TRIM66: variants seen among roughly 807,000 people sequenced by gnomAD.
TRIM66 encodes tripartite motif-containing protein 66.
A neutral mutation model predicts 148.2 loss-of-function variants in TRIM66; 99 were observed. The observed-to-expected ratio is 0.67, with a 90% confidence interval of 0.57 to 0.79. The LOEUF (loss-of-function observed/expected upper bound fraction) is 0.79. TRIM66 is among the 30% of genes least tolerant of loss of function. The pLI, the probability that TRIM66 is intolerant of heterozygous loss-of-function variation, is 0.00. For missense variants in TRIM66, 1,666 were observed against 1,697.9 expected (o/e 0.98, Z 0.33); for synonymous variants, 616 against 635.9 (o/e 0.97, Z 0.47).
intron 1 of TRIM66, among the ~76,000 whole-genome samples, chr11:8,681,723 TA>T (rs963513568): frequency 5.3e-5 from 8 of 151,368 alleles, no homozygotes; most frequent in Admixed American, 2.0e-4. Flanking sequence ...GAGTGTGGAT[TA>T]AAAAAAACAG....
upstream of TRIM66, chr11:8,683,130 C>A: frequency 6.9e-7 from 1 of 1,458,932 alleles, no homozygotes; most frequent in Non-Finnish European, 9.6e-7. Flanking sequence ...GCTTACAGGA[C>A]CATCTCGGCT....
intron 15 of TRIM66, among the ~76,000 whole-genome samples, chr11:8,635,856 C>T (rs2035833543): frequency 6.6e-6 from 1 of 152,192 alleles, no homozygotes; most frequent in Admixed American, 6.5e-5. Context: ...ATGTATGTCG[C>T]TCAGCTCCTT....
In TRIM66 at chr11:8,622,357, CACACACACAT is replaced by C. The variant is rs1325802052; in HGVS notation, c.3080+449_3080+458del. On this transcript the variant is annotated intron_variant, in intron 18 of 24. Transcript: ENST00000646038. The stretch of plus-strand genomic sequence containing the variant: ...CACACACAACACACACACACACACA[CACACACACAT>C]ATATATATATATATATCTCCTACTT... Among the ~76,000 whole-genome samples the C allele has an allele frequency of 2.1e-3, 121 of 56,554 alleles. 11 individuals carry two copies. The highest frequency in any genetic ancestry group is 4.8e-3 in the African/African-American group (97 of 20,150). 37.1% of individuals were successfully genotyped at this position (56,554 alleles called of 152,430 possible). A position where few individuals can be genotyped will look rare whatever the true frequency, so the allele number is the denominator to read the frequency against.
chr11:8,625,463 T>TTGTGTGCGTGTGTGTG, intron 15 of TRIM66, among the ~76,000 whole-genome samples: 1 of 148,250 alleles, frequency 6.7e-6, no homozygotes, highest in South Asian at 2.2e-4. Context: ...CGGAGAACTA[T>TTGTGTGCGTGTGTGTG]TGTGTGTGTG....
intron 15 of TRIM66, among the ~76,000 whole-genome samples, chr11:8,635,539 G>A (rs566115661): frequency 6.6e-6 from 1 of 152,130 alleles, no homozygotes; most frequent in Non-Finnish European, 1.5e-5. Flanking sequence ...CTCACTGTCA[G>A]GGTTGATCTC....
intron 13 of TRIM66, 84 bp downstream of exon 13, chr11:8,642,925 C>G: frequency 1.4e-6 from 1 of 691,874 alleles, no homozygotes. Context: ...TTCTCTTGGG[C>G]ATATGCTGAC....
chr11:8,619,662 TGAG>T, intron 22 of TRIM66, 127 bp from the exon 23 acceptor site: 2 of 952,928 alleles, frequency 2.1e-6, no homozygotes, highest in Non-Finnish European at 1.5e-6. Flanking sequence ...AGAGGAATGA[TGAG>T]GAGCAGCAGG....
At chr11:8,655,942 C>T (rs2037793002) in intron 6 of TRIM66, among the ~76,000 whole-genome samples, 1 of 152,160 alleles carries the variant, frequency 6.6e-6, no homozygotes, top group Admixed American at 6.6e-5. Flanking sequence ...AGAGATTAGC[C>T]CTCTAAGAGG....
chr11:8,623,387 G>A (rs542698087), intron 17 of TRIM66, among the ~76,000 whole-genome samples: 16 of 152,310 alleles, frequency 1.1e-4, no homozygotes, highest in African/African-American at 3.9e-4. Context: ...GATGAAACTA[G>A]CATCCATTCA....
intron 6 of TRIM66, among the ~76,000 whole-genome samples, chr11:8,652,952 T>C (rs1565544460): frequency 6.6e-6 from 1 of 152,250 alleles, no homozygotes; most frequent in Non-Finnish European, 1.5e-5. Context: ...TTAATTGCCC[T>C]GTACCCCAGT....
chr11:8,623,272 T>C (rs1178434069), intron 17 of TRIM66, among the ~76,000 whole-genome samples: 1 of 152,208 alleles, frequency 6.6e-6, no homozygotes, highest in Non-Finnish European at 1.5e-5. Flanking sequence ...ATTCCAGCAG[T>C]GCTTGAGAAT....
chr11:8,630,178 G>C (rs1252064033), intron 15 of TRIM66, among the ~76,000 whole-genome samples: 1 of 152,122 alleles, frequency 6.6e-6, no homozygotes, highest in Non-Finnish European at 1.5e-5. Context: ...GAGTCTCCAG[G>C]GCCTGGGAGG....
In TRIM66 at chr11:8,625,154, C is replaced by T. The variant is rs1190062774; in HGVS notation, c.2385G>A (p.Arg795=). 3.2e-6 allele frequency: 5 copies of T among 1,546,092 alleles called. No individual in the cohort carries two copies. Among genetic ancestry groups the T allele is most frequent in the Non-Finnish European group, 4.4e-6 (5 of 1,143,336 alleles). Residue 795 remains arginine (R), a synonymous_variant, in exon 16 of 25, where the codon AGG becomes AGA. Coordinates refer to ENST00000646038, the MANE Select transcript of TRIM66 (RefSeq NM_001388022.1). ...EMELSSTRLE[R]PLEPQIQSVS... ...CACTCTGGATCTGTGGCTCTAGGGG[C>T]CTCTCCAACCTGGTAGATGACAACT...
At chr11:8,677,472 T>C (rs2039228768) in intron 3 of TRIM66, among the ~76,000 whole-genome samples, 1 of 152,160 alleles carries the variant, frequency 6.6e-6, no homozygotes, top group Non-Finnish European at 1.5e-5. Context: ...TTCAATATAA[T>C]TCAGTGAGTA....
chr11:8,628,439 C>T (rs1218896208), intron 15 of TRIM66, among the ~76,000 whole-genome samples: 1 of 151,638 alleles, frequency 6.6e-6, no homozygotes, highest in Non-Finnish European at 1.5e-5. Flanking sequence ...ATGGTGAAAC[C>T]CCGTCTCCAC....
chr11:8,657,911 G>T (rs1490858144), intron 6 of TRIM66, among the ~76,000 whole-genome samples: 1 of 152,254 alleles, frequency 6.6e-6, no homozygotes, highest in Non-Finnish European at 1.5e-5. Flanking sequence ...CTGTGGCCCT[G>T]CTGCCGTGAT....
chr11:8,638,616 G>T, intron 15 of TRIM66, 38 bp downstream of exon 15: 3 of 1,533,706 alleles, frequency 2.0e-6, no homozygotes, highest in Admixed American at 2.2e-5. Flanking sequence ...GCTGGCAGTG[G>T]GTCCCATGTA....
At chr11:8,652,799 C>T (rs950796849) in intron 6 of TRIM66, among the ~76,000 whole-genome samples, 12 of 152,126 alleles carry the variant, frequency 7.9e-5, no homozygotes, top group African/African-American at 9.7e-5. Context: ...GCAGCAGTAC[C>T]GCTACAATCT....
rs1025209816 is a variant in TRIM66 at position 8,638,698 on chromosome 11, C to T, written c.2266G>A (p.Val756Met). Residue 756 changes from valine (V) to methionine (M), a missense_variant, in exon 15 of 25, where the codon GTG becomes ATG. This residue lies in a region of TRIM66 where 1,431 missense variants were observed against 1,412.4 expected (regional missense o/e 1.01). Transcript: ENST00000646038. ...GAGGAGTGCTGGATGGTGCTGTCCA[C>T]TGGGGGGACACTGAGAGGGGTTTCT... ...GEETPLSVPP[V>M]DSTIQHSSPN... The T allele has an allele frequency of 6.5e-7, 1 of 1,549,678 alleles. No individual in the cohort carries two copies. Among genetic ancestry groups the T allele is most frequent in the Admixed American group, 2.0e-5 (1 of 50,594 alleles).
Sources: allele counts gnomAD v4.1 joint callset (sites outside exome capture counted in the v4.1 genomes callset), GRCh38; gene constraint gnomAD v4.1.1; regional missense constraint gnomAD v4.1.1; transcripts MANE v1.5; gene names NCBI Gene and HGNC (gene_info 2026-07-23, HGNC 2026-07-21).